The following RAPGEF4 variants were observed in gnomAD, a reference collection of about 807,000 sequenced individuals.
The protein encoded by RAPGEF4 is RAP guanine-nucleotide-exchange factor (GEF) 4.
A neutral mutation model predicts 147.9 loss-of-function variants in RAPGEF4; 66 were observed. That is an observed-to-expected ratio of 0.45 (90% CI 0.37 to 0.55). The LOEUF (loss-of-function observed/expected upper bound fraction) is 0.55. RAPGEF4 is among the 20% of genes least tolerant of loss of function. The probability of loss-of-function intolerance (pLI) is 0.00; values close to 1 mark genes in which losing one functional copy is unlikely to be tolerated. For missense variants in RAPGEF4, 1,071 were observed against 1,257.3 expected, an observed-to-expected ratio of 0.85 and a Z score of 2.24; for synonymous variants, 419 against 442.7, an observed-to-expected ratio of 0.95 and a Z score of 0.67.
chr2:173,026,705 G>T lies in RAPGEF4; in HGVS notation c.2379+8G>T, dbSNP rs760380440. On this transcript the variant is annotated splice_region_variant and intron_variant, in intron 24 of 30. Coordinates refer to ENST00000397081, the MANE Select transcript of RAPGEF4 (RefSeq NM_007023.4). ...TTCAACTGCGTGCATGAGGTAAGAT[G>T]CAGGATCAGATGTGTTAGTAGCTGA... 6.2e-7 allele frequency: 1 copy of T among 1,613,466 alleles called. No homozygotes were observed. Among genetic ancestry groups the T allele is most frequent in the South Asian group, 1.1e-5 (1 of 90,834 alleles).
At chr2:172,983,719 A>G (rs372582057) in intron 11 of RAPGEF4, 139 bp downstream of exon 11, 25 of 1,411,358 alleles carry the variant, frequency 1.8e-5, no homozygotes, top group East Asian at 1.3e-4. Flanking sequence ...CTCTTACGAG[A>G]TGCTGAGGAA....
At chr2:172,895,783 A>G (rs145275088) in intron 4 of RAPGEF4, among the ~76,000 whole-genome samples, 7 of 152,308 alleles carry the variant, frequency 4.6e-5, no homozygotes, top group African/African-American at 1.2e-4. Flanking sequence ...CACTTTCTCA[A>G]AACAAACAGA....
At chr2:172,845,226 T>C (rs1207622082) in intron 4 of RAPGEF4, among the ~76,000 whole-genome samples, 1 of 152,210 alleles carries the variant, frequency 6.6e-6, no homozygotes, top group African/African-American at 2.4e-5. Flanking sequence ...TTCATGGACC[T>C]ATAGTATTTC....
intron 23 of RAPGEF4, among the ~76,000 whole-genome samples, chr2:173,021,678 T>C (rs1314223038): frequency 6.6e-6 from 1 of 152,150 alleles, no homozygotes; most frequent in Non-Finnish European, 1.5e-5. Context: ...AAGGGATGCA[T>C]GAGTAGGTTT....
At chr2:172,886,024 A>C (rs761445104) in intron 4 of RAPGEF4, among the ~76,000 whole-genome samples, 1 of 152,130 alleles carries the variant, frequency 6.6e-6, no homozygotes, top group East Asian at 1.9e-4. Flanking sequence ...AGCTGCCTTC[A>C]CGCCTGGCTC....
chr2:173,049,669 A>G (rs1163304397), intron 30 of RAPGEF4, among the ~76,000 whole-genome samples: 1 of 152,160 alleles, frequency 6.6e-6, no homozygotes, highest in Non-Finnish European at 1.5e-5. Flanking sequence ...ATAGGGAGGA[A>G]AAATATAAGA....
At chr2:172,870,686 A>G (rs1695145092) in intron 4 of RAPGEF4, among the ~76,000 whole-genome samples, 1 of 152,130 alleles carries the variant, frequency 6.6e-6, no homozygotes. Context: ...ATCACGAGAG[A>G]TATGCTGCTG....
intron 1 of RAPGEF4, among the ~76,000 whole-genome samples, chr2:172,784,771 T>A (rs142405936): frequency 5.8e-4 from 88 of 152,304 alleles, no homozygotes; most frequent in African/African-American, 2.0e-3. Flanking sequence ...ATACATGATT[T>A]TAGCATACTA....
intron 23 of RAPGEF4, among the ~76,000 whole-genome samples, chr2:173,023,243 G>A (rs1355697055): frequency 6.6e-6 from 1 of 152,168 alleles, no homozygotes; most frequent in African/African-American, 2.4e-5. Flanking sequence ...GAAAATGGGA[G>A]GATAACAATG....
At chr2:172,857,174 G>GCGCACACACA (rs1491278756) in intron 4 of RAPGEF4, among the ~76,000 whole-genome samples, 1 of 150,160 alleles carries the variant, frequency 6.7e-6, no homozygotes, top group African/African-American at 2.4e-5. Context: ...GTGTGCGCGC[G>GCGCACACACA]CACACACACA....
At chr2:172,951,169 T>C (rs986360806) in intron 6 of RAPGEF4, among the ~76,000 whole-genome samples, 23 of 152,362 alleles carry the variant, frequency 1.5e-4, no homozygotes, top group Non-Finnish European at 2.4e-4. Flanking sequence ...GGGAATTACT[T>C]AGTATTCCTC....
chr2:172,999,999 C>G (rs1433555965), intron 16 of RAPGEF4, among the ~76,000 whole-genome samples: 4 of 152,300 alleles, frequency 2.6e-5, no homozygotes, highest in African/African-American at 9.6e-5. Context: ...TTACAGCCTC[C>G]TGGGTGCATA....
chr2:172,764,400 A>G (rs1696635092), intron 1 of RAPGEF4, among the ~76,000 whole-genome samples: 1 of 152,212 alleles, frequency 6.6e-6, no homozygotes, highest in African/African-American at 2.4e-5. Flanking sequence ...TTGACATGGA[A>G]CTTGCAGAGG....
At chr2:173,021,163 C>T (rs1396954769) in intron 23 of RAPGEF4, among the ~76,000 whole-genome samples, 2 of 152,166 alleles carry the variant, frequency 1.3e-5, no homozygotes, top group Admixed American at 1.3e-4. Flanking sequence ...ATGGCAAAGT[C>T]CAGACCCTTC....
intron 4 of RAPGEF4, among the ~76,000 whole-genome samples, chr2:172,875,344 T>A (rs1167449756): frequency 3.9e-5 from 6 of 151,938 alleles, no homozygotes; most frequent in Non-Finnish European, 8.8e-5. Context: ...CTGAATGGTA[T>A]TGCCTAGGTT....
At chr2:172,841,597 C>T (rs1691600733) in intron 4 of RAPGEF4, among the ~76,000 whole-genome samples, 1 of 152,094 alleles carries the variant, frequency 6.6e-6, no homozygotes, top group Admixed American at 6.5e-5. Context: ...TTATGAAGTA[C>T]TGATACAGAT....
intron 14 of RAPGEF4, among the ~76,000 whole-genome samples, chr2:172,989,493 T>C (rs1011692590): frequency 3.9e-5 from 6 of 152,170 alleles, no homozygotes; most frequent in African/African-American, 1.4e-4. Context: ...ACTTAAAAGT[T>C]GGCTCTGCAG....
rs1191499081 is a variant in RAPGEF4 at position 172,983,574 on chromosome 2, T to C, written c.1083T>C (p.Ser361=). 3 of 1,613,810 alleles carry C rather than the reference T, an allele frequency of 1.9e-6. No individual in the cohort carries two copies. The Admixed American group carries it at 5.0e-5, about 27-fold the overall frequency. The change falls in exon 11 of 31, where the codon TCT becomes TCC. Residue 361 remains serine, a synonymous_variant. Coordinates refer to ENST00000397081, the MANE Select transcript of RAPGEF4 (RefSeq NM_007023.4). ...ATATTAAAGCCTTATCCCATCTTTC[T>C]ACCACAGTAAGTTGTCTCTTAGTTT... The part of the protein sequence containing the change: ...LLHIKALSHL[S]TTVKRELAGV...
intron 1 of RAPGEF4, among the ~76,000 whole-genome samples, chr2:172,743,467 AACTGC>A (rs1210429437): frequency 6.6e-6 from 1 of 152,192 alleles, no homozygotes; most frequent in Non-Finnish European, 1.5e-5. Flanking sequence ...CCTTTGCTGT[AACTGC>A]TCAGATTCCT....
Sources: gnomAD v4.1 joint callset for allele counts (sites outside exome capture counted in the v4.1 genomes callset) on GRCh38, gnomAD v4.1.1 for gene constraint, MANE v1.5 for transcripts, NCBI Gene and HGNC (gene_info 2026-07-23, HGNC 2026-07-21) for gene names.